The following RIN2 variants were observed in gnomAD, a reference collection of about 807,000 sequenced individuals.
RIN2 encodes the protein Ras and Rab interactor 2.
In RIN2, 36 loss-of-function variants were observed where a neutral mutation model predicts 78.0. The ratio of observed to expected loss-of-function variants is 0.46; its 90% CI spans 0.35 to 0.61. The LOEUF (loss-of-function observed/expected upper bound fraction) is 0.61, where lower values mean the gene tolerates loss of function less well. Among genes scored for constraint, RIN2 ranks in the 20% least tolerant of loss-of-function variants. The pLI is 0.00. For missense variants in RIN2, 1,087 were observed against 1,159.7 expected, an observed-to-expected ratio of 0.94 and a Z score of 0.91; for synonymous variants, 466 against 466.8, an observed-to-expected ratio of 1.00 and a Z score of 0.02.
chr20:19,974,535 A>T, intron 8 of RIN2, 119 bp from the exon 9 acceptor site: 1 of 980,776 alleles, frequency 1.0e-6, no homozygotes, highest in East Asian at 2.6e-5. Flanking sequence ...AGTACAACGC[A>T]CCCCCTACCC....
chr20:19,785,454 G>A (rs1045457316), intron 1 of RIN2, among the ~76,000 whole-genome samples: 19 of 152,156 alleles, frequency 1.2e-4, no homozygotes, highest in East Asian at 1.9e-4. Context: ...ACTGAACTCC[G>A]GAGAGGAAAT....
chr20:19,831,758 T>C (rs772567378), intron 2 of RIN2, among the ~76,000 whole-genome samples: 10 of 152,160 alleles, frequency 6.6e-5, no homozygotes, highest in Non-Finnish European at 1.5e-4. Context: ...CAAAGAAATA[T>C]AAGAGCTATA....
At chr20:19,816,817 A>ATAAC (rs1307970070) in intron 2 of RIN2, among the ~76,000 whole-genome samples, 6 of 152,260 alleles carry the variant, frequency 3.9e-5, no homozygotes, top group Non-Finnish European at 7.3e-5. Flanking sequence ...ATGCATCTGA[A>ATAAC]TAACTGAAAG....
intron 2 of RIN2, among the ~76,000 whole-genome samples, chr20:19,862,593 A>AAAACAAACAAAC (rs58548710): frequency 1.1e-4 from 16 of 151,918 alleles, no homozygotes; most frequent in African/African-American, 3.9e-4. Flanking sequence ...ACTCCGTCTC[A>AAAACAAACAAAC]AAACAAACAA....
intron 3 of RIN2, among the ~76,000 whole-genome samples, chr20:19,920,437 C>A (rs1334668849): frequency 6.6e-6 from 1 of 152,088 alleles, no homozygotes; most frequent in Non-Finnish European, 1.5e-5. Flanking sequence ...ATCCAGAGGT[C>A]ATGGAGTAAT....
intron 2 of RIN2, among the ~76,000 whole-genome samples, chr20:19,869,895 G>T (rs1203966894): frequency 6.6e-6 from 1 of 151,778 alleles, no homozygotes; most frequent in Admixed American, 6.6e-5. Flanking sequence ...CAATTCTCCC[G>T]CCTGGGCGTC....
At chr20:19,885,238 G>C (rs1306436928) in intron 2 of RIN2, among the ~76,000 whole-genome samples, 1 of 152,172 alleles carries the variant, frequency 6.6e-6, no homozygotes, top group Non-Finnish European at 1.5e-5. Flanking sequence ...TAGGAAGCTG[G>C]GGTGGGGGCA....
intron 2 of RIN2, among the ~76,000 whole-genome samples, chr20:19,845,784 A>T (rs181392382): frequency 0.013 from 1,948 of 152,200 alleles, 21 homozygotes; most frequent in Middle Eastern, 0.037. Flanking sequence ...TTGGTGTTTT[A>T]GTCATGAAGT....
intron 3 of RIN2, among the ~76,000 whole-genome samples, chr20:19,918,014 C>T (rs1409054472): frequency 6.6e-6 from 1 of 152,196 alleles, no homozygotes; most frequent in Non-Finnish European, 1.5e-5. Context: ...AGATTGTCTT[C>T]TAGAAAGAGC....
intron 1 of RIN2, among the ~76,000 whole-genome samples, chr20:19,781,193 T>C (rs2034491219): frequency 1.3e-5 from 2 of 152,166 alleles, no homozygotes; most frequent in Admixed American, 6.5e-5. Context: ...GTCACTTCCA[T>C]CCATATTTTA....
intron 2 of RIN2, among the ~76,000 whole-genome samples, chr20:19,819,586 A>AG (rs2035871444): frequency 1.3e-5 from 2 of 152,246 alleles, no homozygotes; most frequent in Admixed American, 6.5e-5. Context: ...CCGAGGCTAG[A>AG]GTGCAGTGGC....
At chr20:19,819,296 G>A (rs1010260978) in intron 2 of RIN2, among the ~76,000 whole-genome samples, 1 of 152,222 alleles carries the variant, frequency 6.6e-6, no homozygotes, top group Non-Finnish European at 1.5e-5. Flanking sequence ...ACACAGCAGA[G>A]AGAAGAAGAA....
chr20:19,849,202 A>G (rs1211739219), intron 2 of RIN2, among the ~76,000 whole-genome samples: 1 of 152,218 alleles, frequency 6.6e-6, no homozygotes, highest in Admixed American at 6.5e-5. Context: ...CTGTGAGCTC[A>G]TCCTGTGCAG....
At chr20:19,854,940 G>A (rs569156828) in intron 2 of RIN2, among the ~76,000 whole-genome samples, 1 of 152,096 alleles carries the variant, frequency 6.6e-6, no homozygotes, top group Non-Finnish European at 1.5e-5. Context: ...GGTGAGAGAG[G>A]GCATCCCTGT....
chr20:19,811,843 A>AT (rs201367420), intron 2 of RIN2, among the ~76,000 whole-genome samples: 4 of 149,210 alleles, frequency 2.7e-5, no homozygotes, highest in African/African-American at 1.0e-4. Context: ...ATATGCTCCC[A>AT]TTTTAAAAAA....
intron 11 of RIN2, among the ~76,000 whole-genome samples, chr20:19,993,285 T>C (rs549902055): frequency 5.2e-4 from 79 of 152,010 alleles, no homozygotes; most frequent in African/African-American, 1.8e-3. Flanking sequence ...TTTTTTTTTT[T>C]CCCGTGAGTT....
chr20:19,769,593 G>C (rs2034035141), intron 1 of RIN2, among the ~76,000 whole-genome samples: 1 of 152,192 alleles, frequency 6.6e-6, no homozygotes, highest in African/African-American at 2.4e-5. Context: ...CAGATCACAA[G>C]AGATTTCAGA....
At chr20:19,805,626 T>C (rs1056605201) in intron 2 of RIN2, among the ~76,000 whole-genome samples, 1 of 152,158 alleles carries the variant, frequency 6.6e-6, no homozygotes, top group Non-Finnish European at 1.5e-5. Context: ...GGTCTCAAAC[T>C]CTTGATCTCA....
At chr20:19,886,428 T>G (rs2038192042) in intron 2 of RIN2, 1 of 405,434 alleles carries the variant, frequency 2.5e-6, no homozygotes, top group Non-Finnish European at 4.4e-6. Flanking sequence ...TACTATAAAG[T>G]GACAGAGGCT....
Sources: gnomAD v4.1 joint callset for allele counts (sites outside exome capture counted in the v4.1 genomes callset) on GRCh38, gnomAD v4.1.1 for gene constraint, MANE v1.5 for transcripts, NCBI Gene and HGNC (gene_info 2026-07-23, HGNC 2026-07-21) for gene names.